Variants in B3GALNT1 observed in about 807,000 individuals in gnomAD.
B3GALNT1 encodes the protein UDP-GalNAc:beta-1,3-N-acetylgalactosaminyltransferase 1.
B3GALNT1 carries 17 observed loss-of-function variants against 27.3 expected under a neutral mutation model. The observed-to-expected ratio is 0.62, with a 90% CI of 0.43 to 0.94. The LOEUF (loss-of-function observed/expected upper bound fraction) is 0.94. B3GALNT1 is among the 40% of genes least tolerant of loss of function. B3GALNT1 has a pLI of 0.00. For synonymous variants in B3GALNT1, 141 were observed against 144.0 expected, an observed-to-expected ratio of 0.98 and a Z score of 0.15; for missense variants, 347 against 390.0, an observed-to-expected ratio of 0.89 and a Z score of 0.93.
intron 4 of B3GALNT1, among the ~76,000 whole-genome samples, chr3:161,100,140 T>TGG (rs1730433069): frequency 3.3e-5 from 5 of 152,246 alleles, no homozygotes; most frequent in Admixed American, 2.0e-4. Flanking sequence ...GATAGTGTTA[T>TGG]TCTAACAAAC....
chr3:161,099,905 A>G (rs1730292529), intron 4 of B3GALNT1, among the ~76,000 whole-genome samples: 1 of 152,160 alleles, frequency 6.6e-6, no homozygotes, highest in Non-Finnish European at 1.5e-5. Context: ...ATAGCCCCAT[A>G]TGAGTTCCAT....
At chr3:161,091,930 A>G (rs1343746977) in intron 4 of B3GALNT1, among the ~76,000 whole-genome samples, 2 of 152,242 alleles carry the variant, frequency 1.3e-5, no homozygotes, top group Non-Finnish European at 2.9e-5. Flanking sequence ...AGGTTGATGG[A>G]CAATTGGCTA....
At chr3:161,088,108 G>A (rs779774388) in intron 4 of B3GALNT1, among the ~76,000 whole-genome samples, 1 of 152,114 alleles carries the variant, frequency 6.6e-6, no homozygotes, top group Non-Finnish European at 1.5e-5. Context: ...TCTACCAAGG[G>A]TTCTACCTTG....
chr3:161,096,740 T>A (rs1384513844), intron 4 of B3GALNT1, among the ~76,000 whole-genome samples: 1 of 152,188 alleles, frequency 6.6e-6, no homozygotes, highest in Non-Finnish European at 1.5e-5. Flanking sequence ...CCCCTGATTA[T>A]ATTAGAAATA....
intron 4 of B3GALNT1, among the ~76,000 whole-genome samples, chr3:161,100,092 A>C (rs1947685): frequency 0.14 from 21,732 of 152,214 alleles, 1,791 homozygotes; most frequent in East Asian, 0.25. Flanking sequence ...ATAATAAAAT[A>C]TGTAAGTATC....
chr3:161,097,182 C>G (rs1232573236), intron 4 of B3GALNT1, among the ~76,000 whole-genome samples: 1 of 152,198 alleles, frequency 6.6e-6, no homozygotes. Flanking sequence ...CCTTTTTAAG[C>G]TTCAGTTACC....
intron 2 of B3GALNT1, among the ~76,000 whole-genome samples, 157 bp from the exon 3 acceptor site, chr3:161,103,674 G>A (rs948798518): frequency 4.6e-5 from 7 of 151,972 alleles, no homozygotes; most frequent in East Asian, 1.9e-4. Context: ...CTCTCTTCTC[G>A]CTTTCAAATC....
intron 4 of B3GALNT1, among the ~76,000 whole-genome samples, chr3:161,091,554 T>TA (rs1302832157): frequency 9.2e-5 from 14 of 152,334 alleles, no homozygotes; most frequent in Admixed American, 9.2e-4. Flanking sequence ...ACCCACCTGT[T>TA]AGTCACATAG....
chr3:161,104,207 G>A, intron 2 of B3GALNT1, 112 bp downstream of exon 2: 1 of 738,670 alleles, frequency 1.4e-6, no homozygotes. Context: ...ATCAGGCATC[G>A]ACACATGCAT....
chr3:161,100,731 C>T (rs756515197), intron 4 of B3GALNT1, among the ~76,000 whole-genome samples: 1 of 152,096 alleles, frequency 6.6e-6, no homozygotes, highest in African/African-American at 2.4e-5. Context: ...GAAAATTTAG[C>T]CGCAATTTTC....
At chr3:161,103,721 G>GT (rs1214291209) in intron 2 of B3GALNT1, among the ~76,000 whole-genome samples, 4 of 152,054 alleles carry the variant, frequency 2.6e-5, no homozygotes, top group African/African-American at 9.7e-5. Context: ...CTTGGACACT[G>GT]TTTTTTTGTT....
At chr3:161,102,736 G>C (rs4557202) in intron 3 of B3GALNT1, among the ~76,000 whole-genome samples, 73,269 of 151,876 alleles carry the variant, frequency 0.48, 17,984 homozygotes, top group East Asian at 0.81. Flanking sequence ...CCACACAGTG[G>C]GAGTTTACCC....
intron 2 of B3GALNT1, 33 bp downstream of exon 2, chr3:161,104,286 C>T: frequency 7.8e-7 from 1 of 1,286,558 alleles, no homozygotes; most frequent in Non-Finnish European, 1.0e-6. Flanking sequence ...AACTTGTTCC[C>T]AGTTGAACAC....
At chr3:161,089,747 T>C (rs751680087) in intron 4 of B3GALNT1, among the ~76,000 whole-genome samples, 2 of 152,020 alleles carry the variant, frequency 1.3e-5, no homozygotes, top group Non-Finnish European at 2.9e-5. Context: ...TTAAGGTAAA[T>C]GTAAATGTAA....
intron 2 of B3GALNT1, 198 bp downstream of exon 2, chr3:161,104,121 A>C: frequency 3.2e-6 from 1 of 314,672 alleles, no homozygotes; most frequent in Non-Finnish European, 6.1e-6. Context: ...AGGGGAAAAA[A>C]GTCATAGTCT....
At chr3:161,093,908 T>C (rs1351561864) in intron 4 of B3GALNT1, among the ~76,000 whole-genome samples, 1 of 152,224 alleles carries the variant, frequency 6.6e-6, no homozygotes, top group Non-Finnish European at 1.5e-5. Flanking sequence ...GCAATTTCCA[T>C]TAAGCAAACA....
intron 1 of B3GALNT1, chr3:161,104,873 C>A (rs997984946): frequency 3.3e-5 from 5 of 153,348 alleles, no homozygotes; most frequent in African/African-American, 1.2e-4. Flanking sequence ...GCGGCACGGG[C>A]GACGCAAGGC....
chr3:161,085,621 C>G lies in B3GALNT1; in HGVS notation c.*138G>C. ...AATCACAAGTGTAACCCTCCAGTCT[C>G]CAGTCTGGGTTTTTCATGAGTTTCA... On this transcript the variant is annotated 3_prime_UTR_variant, in exon 5 of 5. Coordinates refer to ENST00000320474, the MANE Select transcript of B3GALNT1 (RefSeq NM_003781.4). 1 of 858,756 alleles carries G rather than the reference C, an allele frequency of 1.2e-6. No individual in the cohort carries two copies. Among genetic ancestry groups the G allele is most frequent in the Admixed American group, 2.0e-5 (1 of 50,818 alleles). The allele number at this position is 858,756 out of a possible 1,614,324, so 53.2% of individuals were successfully genotyped here. A position where few individuals can be genotyped will look rare whatever the true frequency, so the allele number is the denominator to read the frequency against.
In B3GALNT1 at chr3:161,085,788, T is replaced by G. The variant is rs1010642321; in HGVS notation, c.967A>C (p.Met323Leu). ...SKEIITFWQV[M>L]LRNTTCHY ...TAATGGCATGTGGTGTTCCTTAGCA[T>G]GACCTGCCAAAAAGTGATGATCTCC... Residue 323 changes from methionine (M) to leucine (L), a missense_variant, in exon 5 of 5, where the codon ATG becomes CTG. Met to Leu is a conservative substitution (Grantham distance 15). Transcript: ENST00000320474. 10 of 1,614,026 alleles carry G rather than the reference T, an allele frequency of 6.2e-6. No individual in the cohort carries two copies. Among genetic ancestry groups the G allele is most frequent in the African/African-American group, 1.3e-5 (1 of 74,920 alleles).
Sources: gnomAD v4.1 joint callset for allele counts (sites outside exome capture counted in the v4.1 genomes callset) on GRCh38, gnomAD v4.1.1 for gene constraint, MANE v1.5 for transcripts, NCBI Gene and HGNC (gene_info 2026-07-23, HGNC 2026-07-21) for gene names.